GPR158: variants seen among roughly 807,000 people sequenced by gnomAD.
GPR158 encodes metabotropic glycine receptor.
In GPR158, 30 loss-of-function variants were observed where a neutral mutation model predicts 78.2. That is an observed-to-expected ratio of 0.38 (90% CI 0.29 to 0.52). The LOEUF (loss-of-function observed/expected upper bound fraction) is 0.52. Among genes scored for constraint, GPR158 ranks in the 20% least tolerant of loss-of-function variants. GPR158 has a pLI of 0.83. For synonymous variants in GPR158, 581 were observed against 591.1 expected (o/e 0.98, Z 0.25); for missense variants, 1,463 against 1,523.5 (o/e 0.96, Z 0.66).
At chr10:25,250,018 A>G (rs1314655703) in intron 2 of GPR158, among the ~76,000 whole-genome samples, 1 of 144,820 alleles carries the variant, frequency 6.9e-6, no homozygotes, top group Non-Finnish European at 1.5e-5. Context: ...CAGAGATTCA[A>G]CTTCTTCCTG....
At chr10:25,487,591 C>T (rs1038403925) in intron 5 of GPR158, among the ~76,000 whole-genome samples, 2 of 152,228 alleles carry the variant, frequency 1.3e-5, no homozygotes, top group East Asian at 3.9e-4. Context: ...GCTTTGTGAC[C>T]TTGGGTTACT....
intron 6 of GPR158, among the ~76,000 whole-genome samples, chr10:25,571,409 C>T (rs114524617): frequency 0.017 from 2,622 of 152,204 alleles, 61 homozygotes; most frequent in African/African-American, 0.06. Flanking sequence ...TAGCATAGTA[C>T]ATCTAGGCTA....
intron 4 of GPR158, among the ~76,000 whole-genome samples, chr10:25,465,767 T>C (rs1483427115): frequency 6.6e-6 from 1 of 152,134 alleles, no homozygotes; most frequent in East Asian, 1.9e-4. Flanking sequence ...CCCACAGGTA[T>C]TTGTGAAATA....
At chr10:25,406,339 G>T (rs1232183908) in intron 3 of GPR158, among the ~76,000 whole-genome samples, 1 of 152,064 alleles carries the variant, frequency 6.6e-6, no homozygotes, top group East Asian at 1.9e-4. Flanking sequence ...TTTTTAGAGG[G>T]ATCCCAGCAG....
intron 4 of GPR158, among the ~76,000 whole-genome samples, chr10:25,439,911 C>A (rs1044129807): frequency 6.6e-6 from 1 of 152,196 alleles, no homozygotes; most frequent in East Asian, 1.9e-4. Context: ...TACAGGAAGG[C>A]AACCACAGCG....
At chr10:25,389,667 A>G (rs1448764426) in intron 2 of GPR158, among the ~76,000 whole-genome samples, 1 of 152,150 alleles carries the variant, frequency 6.6e-6, no homozygotes, top group Non-Finnish European at 1.5e-5. Flanking sequence ...CGCCCCTTGC[A>G]TGCCATATTG....
intron 5 of GPR158, among the ~76,000 whole-genome samples, chr10:25,488,618 GA>G: frequency 6.6e-6 from 1 of 152,218 alleles, no homozygotes; most frequent in Non-Finnish European, 1.5e-5. Flanking sequence ...TCGTTTTGTG[GA>G]AAACTGCCTA....
At chr10:25,296,064 A>G (rs1854508984) in intron 2 of GPR158, among the ~76,000 whole-genome samples, 1 of 151,748 alleles carries the variant, frequency 6.6e-6, no homozygotes, top group Admixed American at 6.6e-5. Context: ...AAAAAAAAAA[A>G]AAAAACCTAA....
At chr10:25,482,559 A>T (rs571533307) in intron 5 of GPR158, among the ~76,000 whole-genome samples, 1 of 152,132 alleles carries the variant, frequency 6.6e-6, no homozygotes, top group Admixed American at 6.6e-5. Context: ...TGAAGTAGGC[A>T]TGTAAGAATT....
intron 7 of GPR158, among the ~76,000 whole-genome samples, chr10:25,587,583 T>C (rs1837284556): frequency 6.6e-6 from 1 of 152,174 alleles, no homozygotes; most frequent in Non-Finnish European, 1.5e-5. Context: ...AAATTATACA[T>C]GAAAATCTCA....
intron 2 of GPR158, among the ~76,000 whole-genome samples, chr10:25,352,590 GAGTCTATATGAATATCA>G (rs747379944): frequency 4.1e-4 from 63 of 152,034 alleles, no homozygotes; most frequent in Non-Finnish European, 7.2e-4. Context: ...TTAACCATCA[GAGTCTATATGAATATCA>G]AGGCTCAAAT....
intron 8 of GPR158, among the ~76,000 whole-genome samples, chr10:25,593,882 G>A (rs1249740048): frequency 6.6e-6 from 1 of 151,916 alleles, no homozygotes; most frequent in Non-Finnish European, 1.5e-5. Context: ...AATTATAACT[G>A]TTTTTAAACA....
intron 5 of GPR158, among the ~76,000 whole-genome samples, chr10:25,479,062 T>C (rs887062701): frequency 6.6e-6 from 1 of 152,146 alleles, no homozygotes; most frequent in African/African-American, 2.4e-5. Flanking sequence ...ACATTTGGGT[T>C]GGTTCCAAGT....
At chr10:25,190,512 T>G (rs1344788302) in intron 1 of GPR158, among the ~76,000 whole-genome samples, 1 of 152,078 alleles carries the variant, frequency 6.6e-6, no homozygotes, top group East Asian at 1.9e-4. Flanking sequence ...TTTCTATTTT[T>G]TGTAGAGATG....
intron 5 of GPR158, among the ~76,000 whole-genome samples, chr10:25,542,413 C>T (rs1039219982): frequency 6.6e-6 from 1 of 152,190 alleles, no homozygotes; most frequent in African/African-American, 2.4e-5. Context: ...TGTACCTTGT[C>T]AGCATCCCTC....
chr10:25,219,090 G>A (rs1853261205), intron 1 of GPR158, among the ~76,000 whole-genome samples: 1 of 152,160 alleles, frequency 6.6e-6, no homozygotes, highest in South Asian at 2.1e-4. Flanking sequence ...TACATGATTG[G>A]ATTAACTTTG....
chr10:25,550,509 C>T (rs551364659), intron 5 of GPR158, among the ~76,000 whole-genome samples: 2 of 152,046 alleles, frequency 1.3e-5, no homozygotes, highest in Non-Finnish European at 2.9e-5. Flanking sequence ...GGCAGTGGGA[C>T]TATCCTCACT....
At chr10:25,265,326 T>G (rs1385610256) in intron 2 of GPR158, among the ~76,000 whole-genome samples, 1 of 152,180 alleles carries the variant, frequency 6.6e-6, no homozygotes, top group African/African-American at 2.4e-5. Flanking sequence ...CTTCTCTTGC[T>G]GCAATAAGCA....
intron 1 of GPR158, among the ~76,000 whole-genome samples, chr10:25,185,739 C>T (rs1852675282): frequency 2.6e-5 from 4 of 151,862 alleles, no homozygotes; most frequent in South Asian, 2.1e-4. Flanking sequence ...AGGAGAATGG[C>T]GTGAACCCGG....
Sources: gnomAD v4.1 joint callset for allele counts (sites outside exome capture counted in the v4.1 genomes callset) on GRCh38, gnomAD v4.1.1 for gene constraint, MANE v1.5 for transcripts, NCBI Gene and HGNC (gene_info 2026-07-23, HGNC 2026-07-21) for gene names.